Variants in XPO4 observed in about 807,000 individuals in gnomAD.
The protein encoded by XPO4 is exportin 4.
A neutral mutation model predicts 143.0 loss-of-function variants in XPO4; 39 were observed. That is an observed-to-expected ratio of 0.27 (90% confidence interval 0.21 to 0.36). XPO4 has a LOEUF of 0.36. Ranked by LOEUF, XPO4 falls within the 10% of genes least tolerant of loss-of-function variation. XPO4 has a pLI of 1.00. For missense variants in XPO4, 907 were observed against 1,348.0 expected (o/e 0.67, Z 5.12); for synonymous variants, 439 against 474.0 (o/e 0.93, Z 0.96).
chr13:20,801,963 T>G (rs1430641301), intron 13 of XPO4, among the ~76,000 whole-genome samples: 3 of 152,212 alleles, frequency 2.0e-5, no homozygotes, highest in Non-Finnish European at 4.4e-5. Context: ...TCTAGCCATC[T>G]GCTTCCTCTT....
In XPO4 at chr13:20,780,357, A is replaced by G. The variant is rs1252646756; in HGVS notation, c.*3365T>C. 6.6e-6 allele frequency: 1 copy of G among 152,226 alleles called. No individual in the cohort carries two copies. The highest frequency in any genetic ancestry group is 1.5e-5 in the Non-Finnish European group (1 of 68,042). 9.4% of individuals were successfully genotyped at this position (152,226 alleles called of 1,614,324 possible). A position where few individuals can be genotyped will look rare whatever the true frequency, so the allele number is the denominator to read the frequency against. On this transcript the variant is annotated 3_prime_UTR_variant, in exon 23 of 23. Transcript: ENST00000255305. Reference sequence around the variant, plus strand: ...TGAATACTAGGAGACTCAAACTTGTAATCCTTGAAACTGACAGCTAGTTCC... The same window carrying G: ...TGAATACTAGGAGACTCAAACTTGTGATCCTTGAAACTGACAGCTAGTTCC...
intron 9 of XPO4, among the ~76,000 whole-genome samples, chr13:20,819,172 G>A (rs75360422): frequency 2.5e-3 from 375 of 152,130 alleles, no homozygotes; most frequent in African/African-American, 8.0e-3. Context: ...GCAGTAGAAG[G>A]AATTCATACC....
At chr13:20,872,265 GCTTC>G (rs2060306003) in intron 1 of XPO4, among the ~76,000 whole-genome samples, 1 of 152,140 alleles carries the variant, frequency 6.6e-6, no homozygotes, top group African/African-American at 2.4e-5. Context: ...TTCCGTCTCT[GCTTC>G]CTTCATCAAC....
intron 1 of XPO4, among the ~76,000 whole-genome samples, chr13:20,895,005 C>G (rs1211801270): frequency 2.0e-5 from 3 of 151,978 alleles, no homozygotes; most frequent in Non-Finnish European, 1.5e-5. Flanking sequence ...TGGTAAAATA[C>G]TGTCTCTACT....
chr13:20,837,391 TTTC>T (rs895423259), intron 6 of XPO4, among the ~76,000 whole-genome samples: 2 of 152,168 alleles, frequency 1.3e-5, no homozygotes, highest in Non-Finnish European at 2.9e-5. Flanking sequence ...ATTTGTTTTC[TTTC>T]TTCTCCTTTT....
At chr13:20,855,377 C>G (rs999904910) in intron 4 of XPO4, among the ~76,000 whole-genome samples, 1 of 151,742 alleles carries the variant, frequency 6.6e-6, no homozygotes, top group South Asian at 2.1e-4. Flanking sequence ...ATTGCTTGAA[C>G]CCGGAAGGCA....
intron 13 of XPO4, among the ~76,000 whole-genome samples, chr13:20,801,737 A>G (rs1354770875): frequency 2.0e-5 from 3 of 152,176 alleles, no homozygotes; most frequent in Non-Finnish European, 2.9e-5. Flanking sequence ...TAATGGAAAG[A>G]CCCCATTACA....
chr13:20,817,089 C>G (rs2059659118), intron 9 of XPO4, among the ~76,000 whole-genome samples: 1 of 152,176 alleles, frequency 6.6e-6, no homozygotes, highest in African/African-American at 2.4e-5. Flanking sequence ...CAAGGATCTT[C>G]AAACAATCCA....
At chr13:20,823,569 G>GT (rs766616591) in intron 7 of XPO4, among the ~76,000 whole-genome samples, 31,567 of 143,882 alleles carry the variant, frequency 0.22, 5,042 homozygotes, top group East Asian at 0.79. Flanking sequence ...GAATGGTTGT[G>GT]TTTTTTTCTT....
At chr13:20,814,446 A>G (rs555315258) in intron 9 of XPO4, among the ~76,000 whole-genome samples, 13 of 152,376 alleles carry the variant, frequency 8.5e-5, no homozygotes, top group African/African-American at 3.1e-4. Context: ...ATTTACAGTA[A>G]GACTATGGAC....
chr13:20,787,176 T>C (rs1157972775), intron 21 of XPO4, 119 bp from the exon 22 acceptor site: 2 of 909,488 alleles, frequency 2.2e-6, no homozygotes, highest in Non-Finnish European at 3.2e-6. Context: ...TAAATCAATC[T>C]GAAATTTTCC....
intron 11 of XPO4, 139 bp downstream of exon 11, chr13:20,808,944 A>T (rs2059541181): frequency 2.1e-6 from 2 of 960,824 alleles, no homozygotes; most frequent in African/African-American, 3.3e-5. Flanking sequence ...CGCAATCATG[A>T]GTATGTTTCT....
At chr13:20,902,339 C>A in intron 1 of XPO4, 1 of 985,430 alleles carries the variant, frequency 1.0e-6, no homozygotes, top group Non-Finnish European at 1.2e-6. Flanking sequence ...GCGGGGATAA[C>A]CCCAACTCCT....
chr13:20,791,159 A>AT lies in XPO4; in HGVS notation c.2798-580dup, dbSNP rs577461766. ...AGAATACTAAGACCTAAACAGATAA[A>AT]TTAACATCTCTAAACAAACGTTTAT... On this transcript the variant is annotated intron_variant, in intron 18 of 22. Transcript: ENST00000255305. Among the ~76,000 whole-genome samples, 120 of 152,100 alleles carry AT rather than the reference A, an allele frequency of 7.9e-4. 1 individual carries two copies. The highest frequency in any genetic ancestry group is 2.9e-3 in the African/African-American group (119 of 41,540).
intron 1 of XPO4, 161 bp downstream of exon 1, chr13:20,902,509 G>A: frequency 3.0e-6 from 3 of 985,428 alleles, no homozygotes; most frequent in Non-Finnish European, 3.6e-6. Context: ...GAGGAAAGTA[G>A]GCTGAAGAAT....
At chr13:20,822,792 G>A (rs528120078) in intron 7 of XPO4, among the ~76,000 whole-genome samples, 3 of 152,298 alleles carry the variant, frequency 2.0e-5, no homozygotes, top group African/African-American at 4.8e-5. Context: ...TAATGAGCAC[G>A]TTCTTTTATT....
rs139014536 is a variant in XPO4 at position 20,870,369 on chromosome 13, T to C, written c.70-1668A>G. On this transcript the variant is annotated intron_variant, in intron 1 of 22. Coordinates refer to ENST00000255305, the MANE Select transcript of XPO4 (RefSeq NM_022459.5). ...ATCACTTGAACCCAGGCAGCAGAGG[T>C]TGCAGTGAGCTGAGATCCCGCTGCT... 6.3e-3 allele frequency among the ~76,000 whole-genome samples: 951 copies of C among 151,816 alleles called. 6 individuals are homozygous for C. Among genetic ancestry groups the C allele is most frequent in the Middle Eastern group, 0.014 (4 of 294 alleles).
chr13:20,902,248 G>A (rs2060628154), intron 1 of XPO4: 2 of 985,368 alleles, frequency 2.0e-6, no homozygotes, highest in South Asian at 9.4e-5. Context: ...ACAGCACCCA[G>A]GCTGTGCCAT....
At chr13:20,872,578 AAGAC>A (rs2060309628) in intron 1 of XPO4, among the ~76,000 whole-genome samples, 1 of 152,206 alleles carries the variant, frequency 6.6e-6, no homozygotes, top group African/African-American at 2.4e-5. Context: ...AGAAAGAAGA[AAGAC>A]AGGAAGGAGG....
Sources: allele counts gnomAD v4.1 joint callset (sites outside exome capture counted in the v4.1 genomes callset), GRCh38; gene constraint gnomAD v4.1.1; transcripts MANE v1.5; gene names NCBI Gene and HGNC (gene_info 2026-07-23, HGNC 2026-07-21).